Variants in YTHDC2 observed in about 807,000 individuals in gnomAD.
YTHDC2 encodes the protein 3'-5' RNA helicase YTHDC2.
A neutral mutation model predicts 174.9 loss-of-function variants in YTHDC2; 45 were observed. The ratio of observed to expected loss-of-function variants is 0.26; its 90% CI spans 0.20 to 0.33. YTHDC2 has a LOEUF of 0.33. Among genes scored for constraint, YTHDC2 ranks in the 10% least tolerant of loss-of-function variants. YTHDC2 has a pLI of 1.00. For synonymous variants in YTHDC2, 657 were observed against 574.5 expected, an observed-to-expected ratio of 1.14 and a Z score of -2.05; for missense variants, 1,650 against 1,723.7, an observed-to-expected ratio of 0.96 and a Z score of 0.76.
intron 2 of YTHDC2, 21 bp downstream of exon 2, chr5:113,515,383 A>AT (rs760083654): frequency 2.7e-5 from 42 of 1,572,676 alleles, no homozygotes; most frequent in Admixed American, 5.6e-5. Flanking sequence ...AGCTTTTCTT[A>AT]TTTTTTTTAA....
At chr5:113,535,517 A>C in intron 6 of YTHDC2, 125 bp from the exon 7 acceptor site, 1 of 854,064 alleles carries the variant, frequency 1.2e-6, no homozygotes, top group Non-Finnish European at 1.7e-6. Flanking sequence ...ATTTTCATGA[A>C]TATTGATTGG....
chr5:113,515,459 T>A, intron 2 of YTHDC2, 97 bp downstream of exon 2: 1 of 955,542 alleles, frequency 1.0e-6, no homozygotes, highest in Non-Finnish European at 1.6e-6. Flanking sequence ...ATTACTGTTT[T>A]AACTTCACAT....
chr5:113,532,734 A>G, intron 4 of YTHDC2, 145 bp from the exon 5 acceptor site: 1 of 615,042 alleles, frequency 1.6e-6, no homozygotes, highest in Non-Finnish European at 2.6e-6. Context: ...TTAGCTGATT[A>G]CTAGTTACAT....
chr5:113,533,059 T>C lies in YTHDC2; in HGVS notation c.842+14T>C, dbSNP rs182698988. The C allele has an allele frequency of 4.0e-5, 64 of 1,612,428 alleles. No homozygotes were observed. The highest frequency in any genetic ancestry group is 5.3e-5 in the Non-Finnish European group (62 of 1,179,178). ...ATTAGAAAGCAGGTAAAAACAGTTCTCATGTATCTTCTCTTTTATCATGCT... is the reference window on the plus strand; with the variant it reads ...ATTAGAAAGCAGGTAAAAACAGTTCCCATGTATCTTCTCTTTTATCATGCT... On this transcript the variant is annotated intron_variant, in intron 5 of 29. Coordinates refer to ENST00000161863, the MANE Select transcript of YTHDC2 (RefSeq NM_022828.5).
chr5:113,579,870 A>G (rs1778292480), intron 24 of YTHDC2, 175 bp downstream of exon 24: 1 of 985,384 alleles, frequency 1.0e-6, no homozygotes, highest in South Asian at 4.7e-5. Context: ...GGTTTATTCC[A>G]ACAGAGGACT....
chr5:113,548,816 C>A, intron 11 of YTHDC2, 139 bp from the exon 12 acceptor site: 2 of 1,142,606 alleles, frequency 1.8e-6, no homozygotes, highest in Non-Finnish European at 2.3e-6. Context: ...TTTTGAATGA[C>A]TTGTTTTTTA....
chr5:113,526,099 T>A (rs1429447615), intron 3 of YTHDC2, among the ~76,000 whole-genome samples: 1 of 152,112 alleles, frequency 6.6e-6, no homozygotes, highest in Non-Finnish European at 1.5e-5. Context: ...GCATTAAACA[T>A]ATATGGGATA....
At chr5:113,535,527 G>A in intron 6 of YTHDC2, 115 bp from the exon 7 acceptor site, 3 of 974,926 alleles carry the variant, frequency 3.1e-6, no homozygotes, top group Non-Finnish European at 4.4e-6. Context: ...ATATTGATTG[G>A]CCTTGTCCAC....
At chr5:113,546,534 C>G (rs568510559) in intron 10 of YTHDC2, among the ~76,000 whole-genome samples, 1 of 152,312 alleles carries the variant, frequency 6.6e-6, no homozygotes, top group Admixed American at 6.5e-5. Context: ...TCATAGATTT[C>G]TTTTTAGTAG....
Position 113,592,063 on chromosome 5 carries a change from G to C in YTHDC2, c.4097G>C (p.Gly1366Ala). The C allele has an allele frequency of 6.2e-7, 1 of 1,613,134 alleles. No individual in the cohort carries two copies. Among genetic ancestry groups the C allele is most frequent in the Non-Finnish European group, 8.5e-7 (1 of 1,179,512 alleles). The change falls in exon 28 of 30, where the codon GGA (glycine) becomes GCA (alanine). Residue 1366 changes from glycine to alanine, a missense_variant. Coordinates refer to ENST00000161863, the MANE Select transcript of YTHDC2 (RefSeq NM_022828.5). ...CAGGACTGGGGCTCTGCTGGACTAG[G>C]AGGAGTATTTAAGGTGGAGTGGATA... Reference protein sequence around the residue: ...KSQDWGSAGLGGVFKVEWIRK... With the variant: ...KSQDWGSAGLAGVFKVEWIRK...
rs954954411 is a variant in YTHDC2, at chr5:113,579,583, C to A, written c.3245-3C>A. 1.9e-6 allele frequency: 3 copies of A among 1,585,356 alleles called. No homozygotes were observed. Among genetic ancestry groups the A allele is most frequent in the Non-Finnish European group, 2.6e-6 (3 of 1,166,702 alleles). The stretch of plus-strand genomic sequence containing the variant: ...ATTTTTTTTTCATTATGTACTTGGA[C>A]AGTGGATGGCATTCCCAATGACAGT... On this transcript the variant is annotated splice_polypyrimidine_tract_variant and splice_region_variant and intron_variant, in intron 23 of 29. Coordinates refer to ENST00000161863, the MANE Select transcript of YTHDC2 (RefSeq NM_022828.5).
intron 4 of YTHDC2, among the ~76,000 whole-genome samples, chr5:113,530,596 C>G (rs1695797991): frequency 1.3e-5 from 2 of 152,018 alleles, no homozygotes; most frequent in Admixed American, 6.5e-5. Flanking sequence ...ATTCATTTCA[C>G]TTATATGTAA....
chr5:113,558,276 G>A (rs1776741921), intron 17 of YTHDC2, among the ~76,000 whole-genome samples: 1 of 152,078 alleles, frequency 6.6e-6, no homozygotes, highest in South Asian at 2.1e-4. Flanking sequence ...ATAAACAGTG[G>A]GATGACATGA....
At position 113,567,681 on chromosome 5, in the gene YTHDC2, G is replaced by C. The variant is rs201641584; in HGVS notation, c.3076G>C (p.Ala1026Pro). 98 of 1,603,548 alleles carry C rather than the reference G, an allele frequency of 6.1e-5. No individual in the cohort carries two copies. The highest frequency in any genetic ancestry group is 7.7e-5 in the Non-Finnish European group (91 of 1,176,332). ...TCCTCCAGCCAATGGTCAAGCTGCA[G>C]CAATTAAGGCACTGCCCACAGATTG... ...KIPPANGQAA[A>P]IKALPTDWLI... The change falls in exon 23 of 30, where the codon GCA (alanine) becomes CCA (proline). Residue 1026 changes from alanine (A) to proline (P), a missense_variant. By Grantham distance (27) the Ala-to-Pro change is conservative (BLOSUM62 -1). Coordinates refer to ENST00000161863, the MANE Select transcript of YTHDC2 (RefSeq NM_022828.5).
intron 5 of YTHDC2, 111 bp from the exon 6 acceptor site, chr5:113,534,194 C>G (rs1220351354): frequency 5.0e-6 from 4 of 802,170 alleles, no homozygotes; most frequent in Non-Finnish European, 8.2e-6. Flanking sequence ...TACCGGTACA[C>G]TATTAGTAAT....
chr5:113,571,100 G>A (rs1421553485), intron 23 of YTHDC2, among the ~76,000 whole-genome samples: 1 of 152,208 alleles, frequency 6.6e-6, no homozygotes, highest in East Asian at 1.9e-4. Flanking sequence ...CATTCAGTAT[G>A]ATACTGGCTG....
intron 22 of YTHDC2, 112 bp downstream of exon 22, chr5:113,567,409 T>TAG: frequency 3.3e-6 from 1 of 300,672 alleles, no homozygotes. Context: ...ATTAGTTATA[T>TAG]ATATATATAT....
chr5:113,520,883 C>T (rs1773817871), intron 2 of YTHDC2, among the ~76,000 whole-genome samples: 1 of 152,126 alleles, frequency 6.6e-6, no homozygotes, highest in Non-Finnish European at 1.5e-5. Flanking sequence ...TCCTAGTACC[C>T]ATTATTTTTC....
chr5:113,518,177 T>C (rs1722219185), intron 2 of YTHDC2, among the ~76,000 whole-genome samples: 1 of 148,088 alleles, frequency 6.8e-6, no homozygotes. Flanking sequence ...CGTGAGCCAC[T>C]GCACCTGGCG....
Sources: allele counts gnomAD v4.1 joint callset (sites outside exome capture counted in the v4.1 genomes callset), GRCh38; gene constraint gnomAD v4.1.1; transcripts MANE v1.5; gene names NCBI Gene and HGNC (gene_info 2026-07-23, HGNC 2026-07-21).